Variants in TMEM74 observed in about 807,000 individuals in gnomAD.
TMEM74 encodes the protein transmembrane protein 74.
In TMEM74, 13 loss-of-function variants were observed where a neutral mutation model predicts 18.1. The ratio of observed to expected loss-of-function variants is 0.72; its 90% confidence interval spans 0.47 to 1.14. The LOEUF (loss-of-function observed/expected upper bound fraction) is 1.14. Ranked by LOEUF, TMEM74 falls within the 50% of genes most tolerant of loss-of-function variation. TMEM74 has a pLI of 0.00. For synonymous variants in TMEM74, 159 were observed against 146.6 expected (o/e 1.08, Z -0.61); for missense variants, 372 against 375.9 (o/e 0.99, Z 0.09).
chr8:108,719,996 T>G (rs1489366063), intron 1 of TMEM74, among the ~76,000 whole-genome samples: 1 of 152,176 alleles, frequency 6.6e-6, no homozygotes, highest in Non-Finnish European at 1.5e-5. Flanking sequence ...TTTCTACATT[T>G]TTCTTTATTC....
intron 2 of TMEM74, among the ~76,000 whole-genome samples, chr8:108,614,189 A>G (rs1812361504): frequency 6.6e-6 from 1 of 152,186 alleles, no homozygotes; most frequent in Non-Finnish European, 1.5e-5. Flanking sequence ...TGAATGAAAA[A>G]TATTTATGCA....
chr8:108,757,646 C>T (rs1586287027), intron 1 of TMEM74, among the ~76,000 whole-genome samples: 1 of 151,674 alleles, frequency 6.6e-6, no homozygotes. Context: ...GCTTTTAATG[C>T]CTCCAAGAAG....
chr8:108,609,563 G>A (rs1001847201), intron 2 of TMEM74, among the ~76,000 whole-genome samples: 7 of 152,134 alleles, frequency 4.6e-5, no homozygotes, highest in Non-Finnish European at 4.4e-5. Context: ...CATGAGAATA[G>A]CTTGAACCCA....
At chr8:108,694,184 A>G (rs1813258792) in intron 1 of TMEM74, among the ~76,000 whole-genome samples, 1 of 152,224 alleles carries the variant, frequency 6.6e-6, no homozygotes, top group South Asian at 2.1e-4. Context: ...TTTAAAGTGT[A>G]CAATCAATGG....
rs186753760 is a variant in TMEM74, at chr8:108,720,796, T to A, written n.120-65359A>T. On this transcript the variant is annotated intron_variant and non_coding_transcript_variant, in intron 1 of 3. Coordinates refer to the TMEM74 transcript ENST00000518838. ...TTTGTTTGTTTAGTTCAAGACGGAGTCTTGCTCTGTCGCCCAGGCTGGAGT... is the reference window on the plus strand; with the variant it reads ...TTTGTTTGTTTAGTTCAAGACGGAGACTTGCTCTGTCGCCCAGGCTGGAGT... Among the ~76,000 whole-genome samples the A allele has an allele frequency of 6.4e-4, 97 of 152,120 alleles. No homozygotes were observed. In the East Asian group the frequency reaches 0.016, roughly 25 times the overall value.
At chr8:108,678,890 TC>T (rs1163559913) in intron 1 of TMEM74, among the ~76,000 whole-genome samples, 1 of 135,912 alleles carries the variant, frequency 7.4e-6, no homozygotes, top group Non-Finnish European at 1.6e-5. Context: ...AATGCCATCC[TC>T]CCCCCCTCCC....
At chr8:108,641,060 G>A (rs1812660852) in intron 2 of TMEM74, among the ~76,000 whole-genome samples, 1 of 152,068 alleles carries the variant, frequency 6.6e-6, no homozygotes, top group Admixed American at 6.6e-5. Flanking sequence ...ATCAAAGCCT[G>A]GTTATTTGTG....
At chr8:108,610,921 C>T (rs1050815994) in intron 2 of TMEM74, among the ~76,000 whole-genome samples, 2 of 152,138 alleles carry the variant, frequency 1.3e-5, no homozygotes, top group African/African-American at 4.8e-5. Flanking sequence ...TTCACTCTGC[C>T]TCATTTACAG....
At chr8:108,654,961 A>G (rs1447961530) in intron 2 of TMEM74, among the ~76,000 whole-genome samples, 1 of 152,162 alleles carries the variant, frequency 6.6e-6, no homozygotes, top group Non-Finnish European at 1.5e-5. Context: ...CATTATGTAG[A>G]AATACATCAG....
At chr8:108,787,107 C>T (rs1053844609) in intron 1 of TMEM74, among the ~76,000 whole-genome samples, 1 of 152,138 alleles carries the variant, frequency 6.6e-6, no homozygotes, top group Non-Finnish European at 1.5e-5. Context: ...GACATTGCAC[C>T]TTAAAGCGAG....
intron 1 of TMEM74, among the ~76,000 whole-genome samples, chr8:108,769,069 G>C (rs544138743): frequency 6.6e-6 from 1 of 151,866 alleles, no homozygotes; most frequent in African/African-American, 2.4e-5. Context: ...TTGGGAGGCC[G>C]AGGTGGGTGG....
intron 2 of TMEM74, among the ~76,000 whole-genome samples, chr8:108,631,153 T>C (rs905849268): frequency 1.3e-5 from 2 of 152,064 alleles, no homozygotes; most frequent in Admixed American, 6.6e-5. Context: ...ATTGTTGTTA[T>C]CATGAATAGT....
At chr8:108,613,822 G>A (rs935305655) in intron 2 of TMEM74, among the ~76,000 whole-genome samples, 1 of 152,114 alleles carries the variant, frequency 6.6e-6, no homozygotes, top group Non-Finnish European at 1.5e-5. Context: ...TCCTAATGAG[G>A]AGTATAAACT....
At chr8:108,643,586 G>A (rs976544966) in intron 2 of TMEM74, among the ~76,000 whole-genome samples, 1 of 151,930 alleles carries the variant, frequency 6.6e-6, no homozygotes, top group African/African-American at 2.4e-5. Flanking sequence ...ATTTCAAAGA[G>A]TTTATGAGGC....
chr8:108,771,976 A>G (rs76064062), intron 1 of TMEM74, among the ~76,000 whole-genome samples: 7,562 of 152,230 alleles, frequency 0.05, 298 homozygotes, highest in East Asian at 0.2. Flanking sequence ...TTTAAAAAAA[A>G]GAAACATAAT....
At chr8:108,609,699 T>C (rs1369749193) in intron 2 of TMEM74, among the ~76,000 whole-genome samples, 2 of 152,184 alleles carry the variant, frequency 1.3e-5, no homozygotes, top group Non-Finnish European at 2.9e-5. Context: ...AATGCCTTTA[T>C]CATTGCAACA....
At chr8:108,616,871 A>T (rs1490417980) in intron 2 of TMEM74, among the ~76,000 whole-genome samples, 2 of 152,000 alleles carry the variant, frequency 1.3e-5, no homozygotes, top group East Asian at 3.9e-4. Context: ...CCCTTAGATG[A>T]TTATTATAAA....
chr8:108,614,620 T>C (rs1359348284), intron 2 of TMEM74, among the ~76,000 whole-genome samples: 1 of 152,186 alleles, frequency 6.6e-6, no homozygotes, highest in African/African-American at 2.4e-5. Flanking sequence ...TTAGTAGAAT[T>C]CACATAGATC....
intron 1 of TMEM74, among the ~76,000 whole-genome samples, chr8:108,740,293 T>A (rs1813787488): frequency 6.6e-6 from 1 of 152,154 alleles, no homozygotes; most frequent in Non-Finnish European, 1.5e-5. Flanking sequence ...CCCATAATCG[T>A]TGACCCACAT....
Sources: allele counts gnomAD v4.1 joint callset (sites outside exome capture counted in the v4.1 genomes callset), GRCh38; gene constraint gnomAD v4.1.1; transcripts MANE v1.5; gene names NCBI Gene and HGNC (gene_info 2026-07-23, HGNC 2026-07-21).